The following ATP7B variants were observed in gnomAD, a reference collection of about 807,000 sequenced individuals.
ATP7B encodes ATPase copper transporting beta.
Under a neutral mutation model 118.9 loss-of-function variants are expected in ATP7B, and 113 were observed. The observed-to-expected ratio is 0.95, with a 90% CI of 0.82 to 1.11. The LOEUF (loss-of-function observed/expected upper bound fraction) is 1.11, where lower values mean the gene tolerates loss of function less well. Ranked by LOEUF, ATP7B falls within the 50% of genes most tolerant of loss-of-function variation. The pLI is 0.00. For missense variants in ATP7B, 1,867 were observed against 1,871.4 expected (o/e 1.00, Z 0.04); for synonymous variants, 777 against 727.4 (o/e 1.07, Z -1.10).
intron 1 of ATP7B, among the ~76,000 whole-genome samples, chr13:51,991,846 G>A (rs980106682): frequency 6.6e-6 from 1 of 152,110 alleles, no homozygotes; most frequent in African/African-American, 2.4e-5. Context: ...GGGGATTTGC[G>A]GGGAAGGCCC....
rs1375884723 is a variant in ATP7B, at chr13:51,937,546, G to A, written c.3833C>T (p.Ala1278Val). The stretch of plus-strand genomic sequence containing the variant: ...GGTGCCAATGGCCACACCCATGTCT[G>A]CCTGGGCCAAGGCCGGGGAGTCATT... Reference protein sequence around the residue: ...GVNDSPALAQADMGVAIGTGT... With the variant: ...GVNDSPALAQVDMGVAIGTGT... Residue 1278 changes from alanine to valine, a missense_variant, in exon 18 of 21, where the codon GCA (alanine) becomes GTA (valine). Ala to Val is a moderately conservative substitution (Grantham distance 64). Transcript: ENST00000242839. 2.5e-6 allele frequency: 4 copies of A among 1,614,242 alleles called. No individual in the cohort carries two copies. In the South Asian group the frequency reaches 4.4e-5, roughly 18 times the overall value.
At chr13:51,988,497 G>A (rs1238535591) in intron 1 of ATP7B, among the ~76,000 whole-genome samples, 2 of 152,150 alleles carry the variant, frequency 1.3e-5, no homozygotes, top group Non-Finnish European at 2.9e-5. Context: ...AGACAGTGTG[G>A]CGATTCCTCA....
At chr13:51,938,920 C>A (rs1291289579) in intron 17 of ATP7B, 131 bp downstream of exon 17, 12 of 1,411,640 alleles carry the variant, frequency 8.5e-6, no homozygotes, top group Middle Eastern at 4.2e-4. Flanking sequence ...GAATGAAACA[C>A]GTGGAGAGAA....
At chr13:51,985,624 G>T (rs1952617157) in intron 1 of ATP7B, among the ~76,000 whole-genome samples, 1 of 152,122 alleles carries the variant, frequency 6.6e-6, no homozygotes, top group Admixed American at 6.5e-5. Flanking sequence ...ATTCTTCTCA[G>T]CACCACATTG....
intron 7 of ATP7B, 134 bp from the exon 8 acceptor site, chr13:51,958,678 A>C: frequency 1.3e-6 from 1 of 755,546 alleles, no homozygotes; most frequent in Non-Finnish European, 2.3e-6. Flanking sequence ...TTCCTCTGTG[A>C]TGGGCGTTTA....
At chr13:51,946,804 G>A (rs1383345670) in intron 12 of ATP7B, among the ~76,000 whole-genome samples, 1 of 152,228 alleles carries the variant, frequency 6.6e-6, no homozygotes, top group Non-Finnish European at 1.5e-5. Flanking sequence ...ACAAAATGGA[G>A]ATGATAATGC....
intron 2 of ATP7B, among the ~76,000 whole-genome samples, chr13:51,973,315 C>T (rs1234929242): frequency 1.3e-5 from 2 of 152,282 alleles, no homozygotes. Flanking sequence ...CAAGGAGGTT[C>T]GCATTCAAGT....
At position 51,939,060 on chromosome 13, in the gene ATP7B, A is replaced by C; in HGVS notation, c.3690T>G (p.Ile1230Met). 6.2e-7 allele frequency: 1 copy of C among 1,614,258 alleles called. No individual in the cohort carries two copies. The highest frequency in any genetic ancestry group is 8.5e-7 in the Non-Finnish European group (1 of 1,180,038). The change falls in exon 17 of 21, where the codon ATT (isoleucine) becomes ATG (methionine). Residue 1230 changes from isoleucine to methionine, a missense_variant. Transcript: ENST00000242839. The part of the protein sequence containing the change: ...TGDNRKTARA[I>M]ATQVGINKVF... ...CATTAAAGGGCTGTACCTGGGTGGC[A>C]ATAGCTCTGGCTGTCTTCCGGTTGT... is the stretch of plus-strand genomic sequence containing the variant.
chr13:51,955,726 G>C (rs1321513714), intron 9 of ATP7B, among the ~76,000 whole-genome samples: 1 of 152,064 alleles, frequency 6.6e-6, no homozygotes, highest in African/African-American at 2.4e-5. Context: ...CCAGCGGCTT[G>C]GCTCCCTGTC....
chr13:51,982,596 CT>C (rs905825863), intron 1 of ATP7B, among the ~76,000 whole-genome samples: 1 of 152,158 alleles, frequency 6.6e-6, no homozygotes, highest in African/African-American at 2.4e-5. Context: ...GGCTTGAGAG[CT>C]AATGGGCCCT....
In ATP7B at chr13:51,970,533, G is replaced by A. The variant is rs767017514; in HGVS notation, c.1502C>T (p.Ser501Phe). 1.7e-5 allele frequency: 27 copies of A among 1,614,118 alleles called. No homozygotes were observed. The highest frequency in any genetic ancestry group is 1.6e-4 in the South Asian group (15 of 91,076). ...ATTCCTTTCTATGTTAGACACACAG[G>A]ATGCACAGGTCATGCCTTTGATCTG... The part of the protein sequence containing the change: ...FLQIKGMTCA[S>F]CVSNIERNLQ... Residue 501 changes from serine (S) to phenylalanine (F), a missense_variant, in exon 3 of 21, where the codon TCC (serine) becomes TTC (phenylalanine). Coordinates refer to ENST00000242839, the MANE Select transcript of ATP7B (RefSeq NM_000053.4).
intron 1 of ATP7B, among the ~76,000 whole-genome samples, chr13:51,993,912 T>C (rs1312366037): frequency 6.6e-6 from 1 of 152,174 alleles, no homozygotes; most frequent in Non-Finnish European, 1.5e-5. Context: ...CCAGCCCTCC[T>C]TTCTGAAGAG....
intron 1 of ATP7B, among the ~76,000 whole-genome samples, chr13:52,002,585 G>C (rs1306959558): frequency 0.016 from 1 of 64 alleles, no homozygotes; most frequent in Non-Finnish European, 0.25. Flanking sequence ...GAGGGGAGAG[G>C]GGAGGGGAGG....
chr13:51,959,134 T>A (rs1262830940), intron 7 of ATP7B: 1 of 160,194 alleles, frequency 6.2e-6, no homozygotes, highest in African/African-American at 2.4e-5. Flanking sequence ...CAGAATGTGA[T>A]CAGTGAAAGG....
Position 51,949,755 on chromosome 13 carries a change from A to G in ATP7B, c.2772T>C (p.Phe924=), listed in dbSNP as rs2139190736. The G allele has an allele frequency of 6.2e-7, 1 of 1,614,156 alleles. No homozygotes were observed. The highest frequency in any genetic ancestry group is 2.2e-5 in the East Asian group (1 of 44,886). The change falls in exon 12 of 21, where the codon TTT becomes TTC. Residue 924 remains phenylalanine, a synonymous_variant. Coordinates refer to ENST00000242839, the MANE Select transcript of ATP7B (RefSeq NM_000053.4). ...TTGACATGATGATGATAAATGGGAC[A>G]AAATATCCACTAAACCGGTCAGCCA... The part of the protein sequence containing the change: ...QQLADRFSGY[F]VPFIIIMSTL...
upstream of ATP7B, chr13:52,011,501 C>T (rs1954037031): frequency 4.9e-6 from 4 of 813,272 alleles, no homozygotes; most frequent in Admixed American, 4.0e-5. Flanking sequence ...GGAACCGCCC[C>T]TTCATTTGGG....
In ATP7B at chr13:51,960,215, T is replaced by A. The variant is rs771157020; in HGVS notation, c.2054A>T (p.Asp685Val). Residue 685 changes from aspartate to valine, a missense_variant, in exon 7 of 21, where the codon GAC becomes GTC. Physicochemically the swap from Asp to Val is radical, Grantham distance 152. Transcript: ENST00000242839. Reference sequence around the variant, plus strand: ...GGACAGTCCTGGAATGATGTTGTGGTCCAGGACCATGGACTGGTGGGGCTC... The same window carrying A: ...GGACAGTCCTGGAATGATGTTGTGGACCAGGACCATGGACTGGTGGGGCTC... ...SNEPHQSMVL[D>V]HNIIPGLSIL... 6 of 1,613,944 alleles carry A rather than the reference T, an allele frequency of 3.7e-6. No individual in the cohort carries two copies. The South Asian group carries it at 6.6e-5, about 18-fold the overall frequency.
chr13:51,986,565 T>C (rs1016855390), intron 1 of ATP7B, among the ~76,000 whole-genome samples: 2 of 152,208 alleles, frequency 1.3e-5, no homozygotes, highest in African/African-American at 4.8e-5. Context: ...ACTCATTTTA[T>C]GAGGCCAGCA....
rs185238648 is a variant in ATP7B at position 51,981,812 on chromosome 13, T to C, written c.52-6644A>G. Among the ~76,000 whole-genome samples the C allele has an allele frequency of 5.8e-4, 89 of 152,294 alleles. No homozygotes were observed. In the South Asian group the frequency reaches 0.016, roughly 28 times the overall value. ...TAAAAATATCTGTACATAGTTCCAA[T>C]TTTTCAAACTTAAATTAAAAAAACA... On this transcript the variant is annotated intron_variant, in intron 1 of 20. Coordinates refer to ENST00000242839, the MANE Select transcript of ATP7B (RefSeq NM_000053.4).
Sources: gnomAD v4.1 joint callset for allele counts (sites outside exome capture counted in the v4.1 genomes callset) on GRCh38, gnomAD v4.1.1 for gene constraint, MANE v1.5 for transcripts, NCBI Gene and HGNC (gene_info 2026-07-23, HGNC 2026-07-21) for gene names.